The following SLCO3A1 variants were observed in gnomAD, a reference collection of about 807,000 sequenced individuals.
SLCO3A1 encodes PGE1 transporter.
In SLCO3A1, 27 loss-of-function variants were observed where a neutral mutation model predicts 63.1. That is an observed-to-expected ratio of 0.43 (90% CI 0.32 to 0.59). The LOEUF is 0.59. Among genes scored for constraint, SLCO3A1 ranks in the 20% least tolerant of loss-of-function variants. SLCO3A1 has a pLI of 0.09. For missense variants in SLCO3A1, 773 were observed against 945.8 expected (o/e 0.82, Z 2.40); for synonymous variants, 473 against 409.9 (o/e 1.15, Z -1.86).
At chr15:91,902,219 G>T (rs2151368867) in intron 1 of SLCO3A1, among the ~76,000 whole-genome samples, 1 of 151,990 alleles carries the variant, frequency 6.6e-6, no homozygotes, top group Non-Finnish European at 1.5e-5. Context: ...AGAGACAAGA[G>T]TCTCACTCAC....
Position 92,165,630 on chromosome 15 carries a change from T to C in SLCO3A1, c.*2495T>C, listed in dbSNP as rs573145383. 2 of 985,404 alleles carry C rather than the reference T, an allele frequency of 2.0e-6. No individual in the cohort carries two copies. The highest frequency in any genetic ancestry group is 1.7e-5 in the African/African-American group (1 of 57,352). 61.0% of individuals were successfully genotyped at this position (985,404 alleles called of 1,614,324 possible). ...CTCCAGGGCTGAGTTTTATCAGCAA[T>C]TGGGTATAAATTTAAAGACCGCTGT... On this transcript the variant is annotated 3_prime_UTR_variant, in exon 10 of 10. Coordinates refer to ENST00000318445, the MANE Select transcript of SLCO3A1 (RefSeq NM_013272.4).
chr15:91,901,566 A>G (rs1473165811), intron 1 of SLCO3A1, among the ~76,000 whole-genome samples: 2 of 152,188 alleles, frequency 1.3e-5, no homozygotes, highest in Non-Finnish European at 2.9e-5. Context: ...GTCTCTGTTT[A>G]TCTAGGAATA....
intron 2 of SLCO3A1, among the ~76,000 whole-genome samples, chr15:92,078,581 C>T (rs1367732031): frequency 6.6e-6 from 1 of 152,194 alleles, no homozygotes; most frequent in Non-Finnish European, 1.5e-5. Flanking sequence ...TCCCACACCT[C>T]TGCCTTTGCC....
rs144306563 is a variant in SLCO3A1 at position 91,923,076 on chromosome 15, G to T, written c.646+6618G>T. On this transcript the variant is annotated intron_variant, in intron 2 of 9. Transcript: ENST00000318445. ...CAACAGTCTTGAAATTGAAATCCTG[G>T]CCCCTCCACGACTCCTGGGTTTTGG... is the stretch of plus-strand genomic sequence containing the variant. Among the ~76,000 whole-genome samples, 785 of 152,000 alleles carry T rather than the reference G, an allele frequency of 5.2e-3. 3 individuals are homozygous for T. Among genetic ancestry groups the T allele is most frequent in the African/African-American group, 0.015 (630 of 41,420 alleles).
intron 1 of SLCO3A1, among the ~76,000 whole-genome samples, chr15:91,888,846 A>G (rs1222491407): frequency 6.6e-6 from 1 of 152,012 alleles, no homozygotes; most frequent in Non-Finnish European, 1.5e-5. Context: ...ACAAAACAAA[A>G]AAAACAACAC....
intron 7 of SLCO3A1, among the ~76,000 whole-genome samples, chr15:92,146,690 A>G (rs956488859): frequency 4.6e-5 from 7 of 152,146 alleles, no homozygotes; most frequent in African/African-American, 1.7e-4. Context: ...TTTCCTCTCT[A>G]ATTGTATTGG....
intron 2 of SLCO3A1, among the ~76,000 whole-genome samples, chr15:91,939,609 G>T (rs1382099726): frequency 6.6e-6 from 1 of 152,116 alleles, no homozygotes; most frequent in Non-Finnish European, 1.5e-5. Flanking sequence ...TCCTAATGAA[G>T]TGTTTCATGG....
At chr15:91,858,205 T>A (rs1407249393) in intron 1 of SLCO3A1, among the ~76,000 whole-genome samples, 1 of 152,170 alleles carries the variant, frequency 6.6e-6, no homozygotes, top group Non-Finnish European at 1.5e-5. Flanking sequence ...TCTGTTGACA[T>A]TTTCAACAGA....
At chr15:92,048,762 GT>G (rs2046921315) in intron 2 of SLCO3A1, among the ~76,000 whole-genome samples, 1 of 152,206 alleles carries the variant, frequency 6.6e-6, no homozygotes, top group Non-Finnish European at 1.5e-5. Context: ...AGCCAGGCTA[GT>G]GGCGGGCACC....
rs538571847 is a variant in SLCO3A1, at chr15:92,012,059, C to A, written c.647-82822C>A. Among the ~76,000 whole-genome samples, 13 of 152,270 alleles carry A rather than the reference C, an allele frequency of 8.5e-5. No homozygotes were observed. In the South Asian group the frequency reaches 2.5e-3, roughly 29 times the overall value. On this transcript the variant is annotated intron_variant, in intron 2 of 9. Coordinates refer to ENST00000318445, the MANE Select transcript of SLCO3A1 (RefSeq NM_013272.4). ...AGAAGGAGGGTGGTGCAAAGACAGC[C>A]CAGAGAGGAAGAGACAGAAGGCGGA...
chr15:91,870,445 T>C (rs1022303501), intron 1 of SLCO3A1, among the ~76,000 whole-genome samples: 1 of 152,252 alleles, frequency 6.6e-6, no homozygotes, highest in African/African-American at 2.4e-5. Context: ...AGGTTAGATA[T>C]ATGAGGAATC....
rs79224933 is a variant in SLCO3A1, at chr15:92,136,708, G to C, written c.1512+8219G>C. On this transcript the variant is annotated intron_variant, in intron 7 of 9. Coordinates refer to ENST00000318445, the MANE Select transcript of SLCO3A1 (RefSeq NM_013272.4). ...CCAAAAAGTATAAAAAGGAGGATAT[G>C]AGGGACTCTCCCTTTCACCTGTGTC... Among the ~76,000 whole-genome samples the C allele has an allele frequency of 0.026, 3,920 of 152,276 alleles. 488 individuals carry two copies. The East Asian group carries it at 0.37, about 14-fold the overall frequency.
chr15:92,063,112 C>G (rs1296705731), intron 2 of SLCO3A1, among the ~76,000 whole-genome samples: 1 of 152,206 alleles, frequency 6.6e-6, no homozygotes, highest in Non-Finnish European at 1.5e-5. Context: ...ATACTAAGCT[C>G]CAGGCTAGAG....
chr15:92,170,627 G>A (rs978018643), downstream of SLCO3A1, among the ~76,000 whole-genome samples: 7 of 152,210 alleles, frequency 4.6e-5, no homozygotes, highest in Non-Finnish European at 8.8e-5. Flanking sequence ...AAAGCCAACA[G>A]AGCGTCTACC....
intron 4 of SLCO3A1, among the ~76,000 whole-genome samples, chr15:92,117,423 C>T (rs1295921340): frequency 6.6e-6 from 1 of 152,186 alleles, no homozygotes; most frequent in East Asian, 1.9e-4. Flanking sequence ...ATGAAGGCTA[C>T]AGTGAAAGCA....
chr15:92,023,967 C>T (rs1252860618), intron 2 of SLCO3A1, among the ~76,000 whole-genome samples: 3 of 152,192 alleles, frequency 2.0e-5, no homozygotes, highest in African/African-American at 7.2e-5. Context: ...CCTGAATATC[C>T]TGGTGTCATA....
At chr15:92,099,688 C>T (rs1227514670) in intron 3 of SLCO3A1, among the ~76,000 whole-genome samples, 1 of 152,170 alleles carries the variant, frequency 6.6e-6, no homozygotes, top group African/African-American at 2.4e-5. Flanking sequence ...CAGCTGTCAA[C>T]AGCTCTCAAT....
intron 2 of SLCO3A1, among the ~76,000 whole-genome samples, chr15:91,962,004 A>G (rs1271556564): frequency 6.6e-6 from 1 of 152,206 alleles, no homozygotes. Context: ...GAATTATTCA[A>G]GGTCACAAAG....
intron 7 of SLCO3A1, among the ~76,000 whole-genome samples, chr15:92,136,373 G>T (rs1184138742): frequency 6.6e-6 from 1 of 152,232 alleles, no homozygotes; most frequent in African/African-American, 2.4e-5. Context: ...TTATTTGCCA[G>T]TATTTTTGAA....
Sources: gnomAD v4.1 joint callset for allele counts (sites outside exome capture counted in the v4.1 genomes callset) on GRCh38, gnomAD v4.1.1 for gene constraint, MANE v1.5 for transcripts, NCBI Gene and HGNC (gene_info 2026-07-23, HGNC 2026-07-21) for gene names.